Variants in ITGA8 observed in about 807,000 individuals in gnomAD.
ITGA8 encodes the protein integrin subunit alpha 8, also known as integrin alpha-8.
Under a neutral mutation model 142.3 loss-of-function variants are expected in ITGA8, and 91 were observed. The observed-to-expected ratio is 0.64, with a 90% CI of 0.54 to 0.76. The LOEUF (loss-of-function observed/expected upper bound fraction) is 0.76, where lower values mean the gene tolerates loss of function less well. Ranked by LOEUF, ITGA8 falls within the 30% of genes least tolerant of loss-of-function variation. The pLI is 0.00. For synonymous variants in ITGA8, 505 were observed against 485.2 expected (o/e 1.04, Z -0.54); for missense variants, 1,406 against 1,327.7 (o/e 1.06, Z -0.92).
At chr10:15,702,914 C>A (rs546843281) in intron 2 of ITGA8, among the ~76,000 whole-genome samples, 16 of 152,296 alleles carry the variant, frequency 1.1e-4, no homozygotes, top group African/African-American at 2.9e-4. Flanking sequence ...CATTAGAATA[C>A]AACTCCCTGG....
chr10:15,694,716 T>C lies in ITGA8; in HGVS notation c.344-6678A>G, dbSNP rs1418033535. On this transcript the variant is annotated intron_variant, in intron 2 of 29. Transcript: ENST00000378076. ...ATATATATATATGTCGACATATGTA[T>C]TTCTCTCTTAGGAACCTAGAAATTC... 1.2e-4 allele frequency among the ~76,000 whole-genome samples: 16 copies of C among 131,444 alleles called. 1 individual carries two copies. Among genetic ancestry groups the C allele is most frequent in the South Asian group, 4.9e-4 (2 of 4,086 alleles). 86.2% of individuals were successfully genotyped at this position (131,444 alleles called of 152,430 possible).
rs575495360 is a variant in ITGA8 at position 15,574,644 on chromosome 10, C to T, written c.2478+845G>A. On this transcript the variant is annotated intron_variant, in intron 24 of 29. Transcript: ENST00000378076. ...GACCTCATGATCCGCCTGCCTTGGC[C>T]TCCCGAAGTGCTGGGATTACAGGCG... Among the ~76,000 whole-genome samples, 4 of 151,896 alleles carry T rather than the reference C, an allele frequency of 2.6e-5. No individual in the cohort carries two copies. In the East Asian group the frequency reaches 7.8e-4, roughly 30 times the overall value.
chr10:15,691,999 C>A (rs985498835), intron 2 of ITGA8, among the ~76,000 whole-genome samples: 2 of 152,216 alleles, frequency 1.3e-5, no homozygotes, highest in South Asian at 4.1e-4. Flanking sequence ...TGCAGTGGCA[C>A]GATCACAGTT....
intron 27 of ITGA8, among the ~76,000 whole-genome samples, chr10:15,546,674 G>C (rs1369982071): frequency 6.7e-6 from 1 of 149,112 alleles, no homozygotes; most frequent in Non-Finnish European, 1.5e-5. Flanking sequence ...TCTGCCTTAG[G>C]AGAAAGGAAG....
rs1833155391 is a variant in ITGA8 at position 15,604,342 on chromosome 10, C to A, written c.1984G>T (p.Val662Leu). 1 of 1,609,454 alleles carries A rather than the reference C, an allele frequency of 6.2e-7. No homozygotes were observed. The part of the protein sequence containing the change: ...KLSARPDKHQ[V>L]IIGDENHLML... ...AGGTGATTTTCATCTCCAATGATTA[C>A]CTGATGCTTATCTCTAAAAATGCAG... Residue 662 changes from valine to leucine, a missense_variant, in exon 20 of 30, where the codon GTA (valine) becomes TTA (leucine). By Grantham distance (32) the Val-to-Leu change is conservative (BLOSUM62 1). Coordinates refer to ENST00000378076, the MANE Select transcript of ITGA8 (RefSeq NM_003638.3).
chr10:15,596,911 A>C, intron 21 of ITGA8: 1 of 290,378 alleles, frequency 3.4e-6, no homozygotes, highest in Non-Finnish European at 6.4e-6. Flanking sequence ...AAGTATTTAA[A>C]GAAAATATCT....
chr10:15,602,962 A>G (rs928306374), intron 20 of ITGA8, among the ~76,000 whole-genome samples: 5 of 150,428 alleles, frequency 3.3e-5, no homozygotes, highest in Admixed American at 6.6e-5. Context: ...TTTAAAAACT[A>G]CTTTATTAAG....
At chr10:15,702,041 A>G (rs1835173646) in intron 2 of ITGA8, among the ~76,000 whole-genome samples, 1 of 152,188 alleles carries the variant, frequency 6.6e-6, no homozygotes, top group Admixed American at 6.5e-5. Context: ...TGATTTTTAT[A>G]TCACAGAAAA....
intron 17 of ITGA8, among the ~76,000 whole-genome samples, chr10:15,607,330 A>G (rs1029213855): frequency 6.6e-6 from 1 of 152,192 alleles, no homozygotes; most frequent in Non-Finnish European, 1.5e-5. Context: ...GATAAAATCT[A>G]ACAAGACATA....
chr10:15,586,140 C>T (rs186485840), intron 23 of ITGA8, among the ~76,000 whole-genome samples: 65 of 142,880 alleles, frequency 4.5e-4, no homozygotes, highest in African/African-American at 1.6e-3. Context: ...CTCACTGCAA[C>T]CTCTGCCTCC....
chr10:15,637,504 A>ATTT (rs59157680), intron 13 of ITGA8, among the ~76,000 whole-genome samples: 550 of 130,884 alleles, frequency 4.2e-3, no homozygotes, highest in African/African-American at 6.2e-3. Flanking sequence ...GACTCTTTAA[A>ATTT]TTTTTTTTTT....
chr10:15,671,783 T>G (rs1381862087), intron 7 of ITGA8, 136 bp from the exon 8 acceptor site: 2 of 653,802 alleles, frequency 3.1e-6, no homozygotes, highest in East Asian at 2.8e-5. Flanking sequence ...AAGTTAAAGA[T>G]TCTATAAAGG....
intron 2 of ITGA8, among the ~76,000 whole-genome samples, chr10:15,701,350 G>A (rs1209126275): frequency 6.6e-6 from 1 of 152,164 alleles, no homozygotes; most frequent in Non-Finnish European, 1.5e-5. Context: ...CTGAAAAGGG[G>A]AAAACCTAAA....
chr10:15,539,787 T>G (rs1185746864), intron 27 of ITGA8, among the ~76,000 whole-genome samples: 1 of 152,184 alleles, frequency 6.6e-6, no homozygotes, highest in Non-Finnish European at 1.5e-5. Context: ...GTCTTTTCTT[T>G]GCATTGGGAA....
intron 8 of ITGA8, among the ~76,000 whole-genome samples, chr10:15,664,607 C>T (rs1339507279): frequency 6.6e-6 from 1 of 151,432 alleles, no homozygotes; most frequent in Non-Finnish European, 1.5e-5. Flanking sequence ...TGTTGGTGTG[C>T]TGCACCCATT....
chr10:15,697,133 A>G lies in ITGA8; in HGVS notation c.344-9095T>C, dbSNP rs551686344. On this transcript the variant is annotated intron_variant, in intron 2 of 29. Transcript: ENST00000378076. ...ACTGGAGCAACTTAAATGTTTATAA[A>G]TAAGGGACTCAAAAAGAAACATCTG... Among the ~76,000 whole-genome samples the G allele has an allele frequency of 2.6e-5, 4 of 152,254 alleles. No individual in the cohort carries two copies. In the East Asian group the frequency reaches 7.7e-4, roughly 29 times the overall value.
intron 23 of ITGA8, among the ~76,000 whole-genome samples, chr10:15,582,151 A>G (rs1834419927): frequency 6.6e-6 from 1 of 152,168 alleles, no homozygotes; most frequent in Non-Finnish European, 1.5e-5. Context: ...TGGTGGGAGG[A>G]TCACTTGAGC....
intron 25 of ITGA8, among the ~76,000 whole-genome samples, chr10:15,561,251 A>ATATGTATATATATATATG (rs1833976028): frequency 7.0e-6 from 1 of 143,416 alleles, no homozygotes; most frequent in African/African-American, 2.6e-5. Context: ...ATATATATAT[A>ATATGTATATATATATATG]TATGTATGTA....
chr10:15,642,955 G>A (rs1163327914), intron 13 of ITGA8, among the ~76,000 whole-genome samples: 1 of 152,174 alleles, frequency 6.6e-6, no homozygotes, highest in Admixed American at 6.5e-5. Context: ...TTTATAAGTA[G>A]TTGAAACTGT....
Sources: allele counts gnomAD v4.1 joint callset (sites outside exome capture counted in the v4.1 genomes callset), GRCh38; gene constraint gnomAD v4.1.1; transcripts MANE v1.5; gene names NCBI Gene and HGNC (gene_info 2026-07-23, HGNC 2026-07-21).